Variants in HS3ST5 observed in about 807,000 individuals in gnomAD.
HS3ST5 encodes heparan sulfate glucosamine 3-O-sulfotransferase 5.
A neutral mutation model predicts 25.4 loss-of-function variants in HS3ST5; 10 were observed. The observed-to-expected ratio is 0.39, with a 90% CI of 0.24 to 0.67. HS3ST5 has a LOEUF of 0.67. HS3ST5 is among the 30% of genes least tolerant of loss of function. The pLI, the probability that HS3ST5 is intolerant of heterozygous loss-of-function variation, is 0.44. For synonymous variants in HS3ST5, 170 were observed against 162.4 expected (o/e 1.05, Z -0.36); for missense variants, 324 against 420.7 (o/e 0.77, Z 2.01).
At chr6:114,302,195 T>C (rs1775105625) in intron 1 of HS3ST5, among the ~76,000 whole-genome samples, 6 of 152,140 alleles carry the variant, frequency 3.9e-5, no homozygotes, top group Admixed American at 3.9e-4. Flanking sequence ...CCTTAATATA[T>C]TTGTTAGGCT....
chr6:114,309,593 C>T (rs1195149693), intron 1 of HS3ST5, among the ~76,000 whole-genome samples: 1 of 152,040 alleles, frequency 6.6e-6, no homozygotes, highest in Non-Finnish European at 1.5e-5. Context: ...ATTAACCGGG[C>T]TTGGTGGTGT....
intron 2 of HS3ST5, among the ~76,000 whole-genome samples, chr6:114,192,244 G>C (rs1780537178): frequency 6.6e-6 from 1 of 152,174 alleles, no homozygotes; most frequent in African/African-American, 2.4e-5. Context: ...GAGATTTAAT[G>C]TATGCATATA....
intron 1 of HS3ST5, among the ~76,000 whole-genome samples, chr6:114,260,884 G>C (rs1244453928): frequency 6.6e-6 from 1 of 152,174 alleles, no homozygotes; most frequent in South Asian, 2.1e-4. Context: ...TGCAACATTA[G>C]GTAGGTCCTA....
chr6:114,316,267 C>CCAAAATGTCTTATTTGTAT, intron 1 of HS3ST5, among the ~76,000 whole-genome samples: 1 of 152,028 alleles, frequency 6.6e-6, no homozygotes, highest in African/African-American at 2.4e-5. Context: ...ATTATTTGTA[C>CCAAAATGTCTTATTTGTAT]AAATTATACC....
intron 2 of HS3ST5, among the ~76,000 whole-genome samples, chr6:114,180,224 T>C (rs1779908030): frequency 6.6e-6 from 1 of 152,104 alleles, no homozygotes; most frequent in African/African-American, 2.4e-5. Flanking sequence ...ACCATCACAA[T>C]ACTGCTCTCT....
chr6:114,317,973 T>C (rs938031231), intron 1 of HS3ST5, among the ~76,000 whole-genome samples: 4 of 152,136 alleles, frequency 2.6e-5, no homozygotes, highest in Non-Finnish European at 5.9e-5. Context: ...ATTAGGGTAC[T>C]TTAGTAAATA....
intron 3 of HS3ST5, among the ~76,000 whole-genome samples, chr6:114,096,521 A>G (rs560094952): frequency 6.6e-6 from 1 of 152,082 alleles, no homozygotes; most frequent in African/African-American, 2.4e-5. Context: ...AAATGAAGAG[A>G]GATGTTTAGC....
At position 114,105,691 on chromosome 6, in the gene HS3ST5, A is replaced by T. The variant is rs985717852; in HGVS notation, c.-32-42814T>A. Among the ~76,000 whole-genome samples the T allele has an allele frequency of 5.3e-5, 8 of 152,150 alleles. No homozygotes were observed. The East Asian group carries it at 1.3e-3, about 26-fold the overall frequency. ...AGTAGATTTTCCTTAGGATAAGTGC[A>T]CTATAAATTTGCTATAATAACTAAC... On this transcript the variant is annotated intron_variant, in intron 3 of 4. Transcript: ENST00000312719.
chr6:114,157,953 G>A (rs986730635), intron 3 of HS3ST5, among the ~76,000 whole-genome samples: 1 of 151,954 alleles, frequency 6.6e-6, no homozygotes, highest in African/African-American at 2.4e-5. Flanking sequence ...TTGCATTCTT[G>A]TTCCTGTACA....
chr6:114,064,805 C>A (rs1301946390), intron 3 of HS3ST5, among the ~76,000 whole-genome samples: 5 of 152,058 alleles, frequency 3.3e-5, no homozygotes, highest in Non-Finnish European at 4.4e-5. Flanking sequence ...ATAGGAGGAA[C>A]CTACTTCAGT....
intron 1 of HS3ST5, among the ~76,000 whole-genome samples, chr6:114,276,736 T>C (rs1341525138): frequency 6.6e-6 from 1 of 151,960 alleles, no homozygotes; most frequent in Non-Finnish European, 1.5e-5. Context: ...TTATAAAATA[T>C]AGGACAGTTT....
intron 3 of HS3ST5, among the ~76,000 whole-genome samples, chr6:114,091,173 G>A (rs1308751504): frequency 2.0e-5 from 3 of 152,094 alleles, no homozygotes; most frequent in South Asian, 4.1e-4. Flanking sequence ...TTTTCTTGTA[G>A]GATTAATAAG....
chr6:114,248,716 T>A (rs560170168), intron 1 of HS3ST5, among the ~76,000 whole-genome samples: 1 of 152,218 alleles, frequency 6.6e-6, no homozygotes, highest in Non-Finnish European at 1.5e-5. Context: ...TTCATGAAGT[T>A]ACAGTCTAAT....
intron 2 of HS3ST5, among the ~76,000 whole-genome samples, chr6:114,176,361 G>C (rs1367780323): frequency 6.6e-6 from 1 of 152,078 alleles, no homozygotes; most frequent in African/African-American, 2.4e-5. Context: ...AATGATCCAC[G>C]GTTGCAATGT....
At position 114,263,170 on chromosome 6, in the gene HS3ST5, T is replaced by C. The variant is rs1773252868; in HGVS notation, c.-338-34392A>G. On this transcript the variant is annotated intron_variant, in intron 1 of 4. Coordinates refer to ENST00000312719, the MANE Select transcript of HS3ST5 (RefSeq NM_153612.4). ...CAAACAATAAAATTTTGTTTTATTT[T>C]TAGTAGATAAGCATTTAATAATTAT... Among the ~76,000 whole-genome samples the C allele has an allele frequency of 3.9e-5, 6 of 152,268 alleles. No individual in the cohort carries two copies. The South Asian group carries it at 1.2e-3, about 32-fold the overall frequency.
intron 2 of HS3ST5, among the ~76,000 whole-genome samples, chr6:114,219,721 A>G (rs1781940250): frequency 6.6e-6 from 1 of 152,182 alleles, no homozygotes; most frequent in Non-Finnish European, 1.5e-5. Context: ...TGGGCATCAC[A>G]TTAATAAGAA....
chr6:114,190,538 C>G (rs1780450299), intron 2 of HS3ST5, among the ~76,000 whole-genome samples: 1 of 152,138 alleles, frequency 6.6e-6, no homozygotes, highest in African/African-American at 2.4e-5. Flanking sequence ...GTAGTTAAGG[C>G]ACCATGACTA....
intron 1 of HS3ST5, among the ~76,000 whole-genome samples, chr6:114,276,912 T>C (rs970101188): frequency 4.6e-5 from 7 of 151,958 alleles, no homozygotes; most frequent in African/African-American, 1.7e-4. Flanking sequence ...ATGGTCAGCA[T>C]GGGATTAGTT....
At chr6:114,160,882 G>A in intron 3 of HS3ST5, among the ~76,000 whole-genome samples, 1 of 152,132 alleles carries the variant, frequency 6.6e-6, no homozygotes, top group Admixed American at 6.6e-5. Flanking sequence ...AAATAATGGT[G>A]TAATAAACTA....
Sources: allele counts gnomAD v4.1 joint callset (sites outside exome capture counted in the v4.1 genomes callset), GRCh38; gene constraint gnomAD v4.1.1; transcripts MANE v1.5; gene names NCBI Gene and HGNC (gene_info 2026-07-23, HGNC 2026-07-21).